Variants in PDXK observed in about 807,000 individuals in gnomAD.
PDXK encodes the protein pyridoxal kinase, also known as epididymis secretory sperm binding protein Li 1a.
Under a neutral mutation model 43.2 loss-of-function variants are expected in PDXK, and 15 were observed. The observed-to-expected ratio is 0.35, with a 90% CI of 0.23 to 0.53. The LOEUF is 0.53. Ranked by LOEUF, PDXK falls within the 20% of genes least tolerant of loss-of-function variation. PDXK has a pLI of 0.92. For synonymous variants in PDXK, 172 were observed against 165.4 expected (o/e 1.04, Z -0.31); for missense variants, 343 against 417.0 (o/e 0.82, Z 1.54).
intron 3 of PDXK, among the ~76,000 whole-genome samples, chr21:43,742,295 TC>T (rs2083550526): frequency 6.6e-6 from 1 of 152,194 alleles, no homozygotes; most frequent in Non-Finnish European, 1.5e-5. Context: ...TCCTCCTGCC[TC>T]AACATCCCAA....
intron 8 of PDXK, 103 bp from the exon 9 acceptor site, chr21:43,753,479 CT>C (rs1359762411): frequency 3.2e-6 from 4 of 1,249,864 alleles, no homozygotes; most frequent in Middle Eastern, 2.0e-4. Context: ...TGCTCTGCCC[CT>C]GTGACCCTCC....
chr21:43,736,629 G>GTTTTTT lies in PDXK; in HGVS notation c.142+2520_142+2525dup, dbSNP rs34234452. On this transcript the variant is annotated intron_variant, in intron 2 of 10. Coordinates refer to ENST00000291565, the MANE Select transcript of PDXK (RefSeq NM_003681.5). Reference sequence around the variant, plus strand: ...CCAGGGTTTTCCTTTTCCTTTTTCTGTTTTTTTTTTTTTTTTTTTGTGAGA... The same window carrying GTTTTTT: ...CCAGGGTTTTCCTTTTCCTTTTTCTGTTTTTTTTTTTTTTTTTTTTTTTTTGTGAGA... Among the ~76,000 whole-genome samples, 294 of 118,608 alleles carry GTTTTTT rather than the reference G, an allele frequency of 2.5e-3. 2 individuals carry two copies. The highest frequency in any genetic ancestry group is 8.9e-3 in the African/African-American group (264 of 29,710). 77.8% of individuals were successfully genotyped at this position (118,608 alleles called of 152,430 possible).
Position 43,735,539 on chromosome 21 carries a change from C to G in PDXK, c.142+1416C>G, listed in dbSNP as rs2083387247. ...TCAGGGGACTGGGATGAGGACAGGA[C>G]CCCAGGCGCTTGGGAGCCTCCACAG... On this transcript the variant is annotated intron_variant, in intron 2 of 10. Coordinates refer to ENST00000291565, the MANE Select transcript of PDXK (RefSeq NM_003681.5). This position sits in a 1 kb window ranked among gnomAD's most constrained non-coding sequence, Gnocchi z 5.3. 1.3e-5 allele frequency among the ~76,000 whole-genome samples: 2 copies of G among 152,132 alleles called. No individual in the cohort carries two copies. Among genetic ancestry groups the G allele is most frequent in the Admixed American group, 1.3e-4 (2 of 15,272 alleles).
At chr21:43,755,369 G>C (rs992669034) in intron 9 of PDXK, 15 of 335,464 alleles carry the variant, frequency 4.5e-5, no homozygotes, top group Non-Finnish European at 7.4e-5. Flanking sequence ...TTGTAGACTC[G>C]TTATAAGGAG....
intron 1 of PDXK, among the ~76,000 whole-genome samples, chr21:43,727,290 G>C (rs1382023625): frequency 2.0e-5 from 3 of 152,228 alleles, no homozygotes; most frequent in Admixed American, 1.3e-4. Context: ...TTCTCAAGGA[G>C]AAAGGAAGAA....
intron 5 of PDXK, among the ~76,000 whole-genome samples, chr21:43,748,025 C>T (rs2083667885): frequency 2.6e-5 from 4 of 152,332 alleles, no homozygotes; most frequent in Admixed American, 6.5e-5. Context: ...CAGGTGCAGA[C>T]ATGCCTCCTG....
chr21:43,749,088 A>G lies in PDXK; in HGVS notation c.464+8A>G, dbSNP rs370607729. The stretch of plus-strand genomic sequence containing the variant: ...CAACCAGTTTGAGGCCGAGTAAGTC[A>G]TTTTATTTTATTTTACTTTATTTAT... On this transcript the variant is annotated splice_region_variant and intron_variant, in intron 6 of 10. Transcript: ENST00000291565. 13 of 1,515,466 alleles carry G rather than the reference A, an allele frequency of 8.6e-6. No individual in the cohort carries two copies. In the African/African-American group the frequency reaches 1.5e-4, roughly 18 times the overall value. 93.9% of individuals were successfully genotyped at this position (1,515,466 alleles called of 1,614,324 possible).
In PDXK at chr21:43,719,250, ACCGTGCCCCCG is replaced by A; in HGVS notation, c.-42_-32del. On this transcript the variant is annotated 5_prime_UTR_variant, in exon 1 of 11. Coordinates refer to ENST00000291565, the MANE Select transcript of PDXK (RefSeq NM_003681.5). ...GCCGGAGCCCGAGCGAGCGGCGGAG[ACCGTGCCCCCG>A]CCTCGGCCCCGCGCCGCCGCGGCCA... 1 of 1,173,816 alleles carries A rather than the reference ACCGTGCCCCCG, an allele frequency of 8.5e-7. No homozygotes were observed. The allele number at this position is 1,173,816 out of a possible 1,614,324, so 72.7% of individuals were successfully genotyped here. A position where few individuals can be genotyped will look rare whatever the true frequency, so the allele number is the denominator to read the frequency against.
chr21:43,731,410 C>T (rs2083316095), intron 1 of PDXK, among the ~76,000 whole-genome samples: 1 of 152,152 alleles, frequency 6.6e-6, no homozygotes, highest in Admixed American at 6.5e-5. Context: ...AGGGGGTTGC[C>T]CGAGGGTGAG....
intron 1 of PDXK, among the ~76,000 whole-genome samples, chr21:43,730,825 C>G (rs531566681): frequency 6.6e-6 from 1 of 152,038 alleles, no homozygotes; most frequent in African/African-American, 2.4e-5. Flanking sequence ...TGTGGCAGCA[C>G]GCACCTGTAG....
chr21:43,728,563 A>T (rs1261089725), intron 1 of PDXK, among the ~76,000 whole-genome samples: 1 of 152,062 alleles, frequency 6.6e-6, no homozygotes, highest in Non-Finnish European at 1.5e-5. Flanking sequence ...GAGGAGGAGG[A>T]TCAGCTGAGC....
chr21:43,732,433 T>C lies in PDXK; in HGVS notation c.88-1636T>C. 15 of 1,612,738 alleles carry C rather than the reference T, an allele frequency of 9.3e-6. No individual in the cohort carries two copies. Among genetic ancestry groups the C allele is most frequent in the Non-Finnish European group, 1.3e-5 (15 of 1,179,794 alleles). ...CTTGCGATGCTGATGAATAAGCTGA[T>C]TTTGATGGGGTGTGTGAAACGGAGA... On this transcript the variant is annotated intron_variant, in intron 1 of 10. Coordinates refer to ENST00000291565, the MANE Select transcript of PDXK (RefSeq NM_003681.5). The surrounding 1 kb of genome is among the most constrained non-coding windows in gnomAD (Gnocchi z 4.1).
intron 1 of PDXK, among the ~76,000 whole-genome samples, chr21:43,725,398 T>C (rs547910907): frequency 9.9e-4 from 151 of 152,286 alleles, no homozygotes; most frequent in African/African-American, 3.4e-3. Flanking sequence ...AGAAAGAGTC[T>C]TCTTTGCCTT....
rs893519760 is a variant in PDXK, at chr21:43,735,863, C to T, written c.142+1740C>T. Among the ~76,000 whole-genome samples, 1 of 152,148 alleles carries T rather than the reference C, an allele frequency of 6.6e-6. No individual in the cohort carries two copies. Among genetic ancestry groups the T allele is most frequent in the Non-Finnish European group, 1.5e-5 (1 of 68,016 alleles). On this transcript the variant is annotated intron_variant, in intron 2 of 10. Coordinates refer to ENST00000291565, the MANE Select transcript of PDXK (RefSeq NM_003681.5). The surrounding 1 kb of genome is among the most constrained non-coding windows in gnomAD (Gnocchi z 5.3). ...GGGCAGGTGTCACTCTCCCCTGCAC[C>T]GGGGCCCTTCTGCCTGCTCCCCTTC...
intron 3 of PDXK, 150 bp downstream of exon 3, chr21:43,741,921 C>A: frequency 1.5e-6 from 1 of 650,910 alleles, no homozygotes; most frequent in South Asian, 1.7e-5. Context: ...CACCATCACA[C>A]CCCCGGTAGC....
intron 5 of PDXK, among the ~76,000 whole-genome samples, 175 bp downstream of exon 5, chr21:43,746,300 G>T (rs913230659): frequency 3.9e-5 from 6 of 152,244 alleles, no homozygotes; most frequent in African/African-American, 1.4e-4. Flanking sequence ...TCTGTAAAGT[G>T]CCTGACGGTA....
chr21:43,746,099 G>A lies in PDXK; in HGVS notation c.352G>A (p.Asp118Asn), dbSNP rs1400615279. The change falls in exon 5 of 11, where the codon GAC (aspartate) becomes AAC (asparagine). Residue 118 changes from aspartate to asparagine, a missense_variant. Physicochemically the swap from Asp to Asn is conservative, Grantham distance 23 (BLOSUM62 1). Coordinates refer to ENST00000291565, the MANE Select transcript of PDXK (RefSeq NM_003681.5). The stretch of plus-strand genomic sequence containing the variant: ...TGCAGTGTGTGATCCAGTCTTGGGT[G>A]ACAAGTGGGACGGCGAAGGCTCGAT... ...LVYVCDPVLG[D>N]KWDGEGSMYV... The A allele has an allele frequency of 6.2e-7, 1 of 1,613,674 alleles. No individual in the cohort carries two copies. Among genetic ancestry groups the A allele is most frequent in the Non-Finnish European group, 8.5e-7 (1 of 1,179,644 alleles).
chr21:43,745,352 G>A (rs774412980), intron 4 of PDXK, among the ~76,000 whole-genome samples: 30 of 151,874 alleles, frequency 2.0e-4, no homozygotes, highest in Non-Finnish European at 3.5e-4. Context: ...CCCGGGAGGC[G>A]GAGGTTGCAG....
intron 2 of PDXK, among the ~76,000 whole-genome samples, chr21:43,740,662 G>A (rs1302232602): frequency 6.6e-6 from 1 of 151,878 alleles, no homozygotes; most frequent in Non-Finnish European, 1.5e-5. Context: ...AAGCCGACGC[G>A]TCTGTCCTCA....
Sources: allele counts gnomAD v4.1 joint callset (sites outside exome capture counted in the v4.1 genomes callset), GRCh38; gene constraint gnomAD v4.1.1; non-coding constraint Gnocchi (gnomAD v3.1); transcripts MANE v1.5; gene names NCBI Gene and HGNC (gene_info 2026-07-23, HGNC 2026-07-21).